PTPN12: variants seen among roughly 807,000 people sequenced by gnomAD.
PTPN12 encodes the protein protein tyrosine phosphatase non-receptor type 12.
A neutral mutation model predicts 97.6 loss-of-function variants in PTPN12; 29 were observed. That is an observed-to-expected ratio of 0.30 (90% CI 0.22 to 0.41). The LOEUF (loss-of-function observed/expected upper bound fraction) is 0.41, where lower values mean the gene tolerates loss of function less well. PTPN12 is among the 10% of genes least tolerant of loss of function. The probability of loss-of-function intolerance (pLI) is 1.00; values close to 1 mark genes in which losing one functional copy is unlikely to be tolerated. For missense variants in PTPN12, 819 were observed against 926.0 expected (o/e 0.88, Z 1.50); for synonymous variants, 327 against 300.4 (o/e 1.09, Z -0.91).
chr7:77,611,501 A>G (rs1318181813), intron 11 of PTPN12, among the ~76,000 whole-genome samples: 3 of 152,052 alleles, frequency 2.0e-5, no homozygotes, highest in Non-Finnish European at 4.4e-5. Flanking sequence ...CTGGAGTGCA[A>G]TGGCACAGTC....
intron 1 of PTPN12, among the ~76,000 whole-genome samples, chr7:77,566,831 C>G (rs1005794868): frequency 3.3e-5 from 5 of 151,978 alleles, no homozygotes; most frequent in African/African-American, 1.2e-4. Context: ...TGGTGGGTAC[C>G]TATAACTTAA....
chr7:77,593,225 C>T (rs1016444318), intron 6 of PTPN12, among the ~76,000 whole-genome samples: 1 of 150,630 alleles, frequency 6.6e-6, no homozygotes, highest in Non-Finnish European at 1.5e-5. Context: ...GCTGAAATTG[C>T]ACCACTGCAC....
At position 77,537,439 on chromosome 7, in the gene PTPN12, G is replaced by T. The variant is rs1563187716; in HGVS notation, c.-108G>T. ...GAGCCGCGGGGCTTGGCGGGGTCGG[G>T]AGGGAGGGACGTGCTGGGGGAACGA... On this transcript the variant is annotated 5_prime_UTR_variant, in exon 1 of 18. Coordinates refer to ENST00000248594, the MANE Select transcript of PTPN12 (RefSeq NM_002835.4). The T allele has an allele frequency of 5.0e-6, 7 of 1,393,134 alleles. No individual in the cohort carries two copies. Among genetic ancestry groups the T allele is most frequent in the Non-Finnish European group, 6.6e-6 (7 of 1,066,220 alleles). The allele number at this position is 1,393,134 out of a possible 1,614,324, so 86.3% of individuals were successfully genotyped here.
intron 15 of PTPN12, chr7:77,636,718 G>A (rs140801388): frequency 9.2e-4 from 201 of 218,700 alleles, no homozygotes; most frequent in African/African-American, 4.4e-3. Flanking sequence ...TAGTTTAATT[G>A]ACATATAAAA....
chr7:77,556,869 A>G (rs944074319), intron 1 of PTPN12, among the ~76,000 whole-genome samples: 2 of 151,746 alleles, frequency 1.3e-5, no homozygotes, highest in Admixed American at 6.6e-5. Context: ...GATTTTCTCT[A>G]ATACTTACTA....
chr7:77,608,790 A>G (rs1346908835), intron 9 of PTPN12, among the ~76,000 whole-genome samples: 5 of 152,220 alleles, frequency 3.3e-5, no homozygotes, highest in African/African-American at 1.2e-4. Context: ...TAATTCTCAA[A>G]TGAAAATGCT....
At chr7:77,588,648 T>C (rs1787769311) in intron 5 of PTPN12, among the ~76,000 whole-genome samples, 1 of 152,180 alleles carries the variant, frequency 6.6e-6, no homozygotes, top group African/African-American at 2.4e-5. Context: ...TTGTAAAATA[T>C]GCAGTGTCTG....
At chr7:77,539,597 T>TG (rs1806851100) in intron 1 of PTPN12, among the ~76,000 whole-genome samples, 1 of 152,070 alleles carries the variant, frequency 6.6e-6, no homozygotes, top group South Asian at 2.1e-4. Context: ...CTAGTTTTTT[T>TG]GGGTTTTGTT....
At chr7:77,635,316 C>G (rs1789549884) in intron 14 of PTPN12, among the ~76,000 whole-genome samples, 1 of 152,162 alleles carries the variant, frequency 6.6e-6, no homozygotes, top group Non-Finnish European at 1.5e-5. Context: ...ATAGTCCCAG[C>G]TACTCAAGAA....
chr7:77,635,320 T>C (rs1222500423), intron 14 of PTPN12, among the ~76,000 whole-genome samples: 1 of 152,106 alleles, frequency 6.6e-6, no homozygotes, highest in African/African-American at 2.4e-5. Context: ...TCCCAGCTAC[T>C]CAAGAAGCTG....
rs1295627345 is a variant in PTPN12, at chr7:77,546,081, G to A, written c.99+8436G>A. 3.3e-5 allele frequency among the ~76,000 whole-genome samples: 5 copies of A among 152,232 alleles called. No homozygotes were observed. The South Asian group carries it at 6.2e-4, about 19-fold the overall frequency. On this transcript the variant is annotated intron_variant, in intron 1 of 17. Coordinates refer to ENST00000248594, the MANE Select transcript of PTPN12 (RefSeq NM_002835.4). ...TGAGTAGCTGGGATTACGGGCGCCC[G>A]TGACCACACACAGCTACTTTTTTTA...
At chr7:77,596,498 C>T (rs1788027500) in intron 6 of PTPN12, among the ~76,000 whole-genome samples, 1 of 152,182 alleles carries the variant, frequency 6.6e-6, no homozygotes, top group Middle Eastern at 3.2e-3. Flanking sequence ...GCCTTGGCCT[C>T]ACTGCTGGGC....
chr7:77,626,506 A>G (rs1168753647), intron 12 of PTPN12, among the ~76,000 whole-genome samples, 199 bp from the exon 13 acceptor site: 2 of 152,206 alleles, frequency 1.3e-5, no homozygotes, highest in African/African-American at 4.8e-5. Flanking sequence ...TTTTTCATTC[A>G]AAGTCTTGTA....
At chr7:77,634,400 T>G (rs2151407763) in intron 14 of PTPN12, among the ~76,000 whole-genome samples, 1 of 152,292 alleles carries the variant, frequency 6.6e-6, no homozygotes, top group South Asian at 2.1e-4. Context: ...GACTGATTTT[T>G]GTTTTGTTTC....
At chr7:77,563,942 C>G (rs1026128881) in intron 1 of PTPN12, 4 of 441,456 alleles carry the variant, frequency 9.1e-6, no homozygotes, top group Non-Finnish European at 1.8e-5. Context: ...TGAGATGGAG[C>G]TCTGTCGCCC....
intron 6 of PTPN12, among the ~76,000 whole-genome samples, chr7:77,594,833 T>C (rs1787976236): frequency 6.6e-6 from 1 of 152,162 alleles, no homozygotes; most frequent in African/African-American, 2.4e-5. Context: ...AAGATAACTA[T>C]AGTGAATATT....
intron 1 of PTPN12, among the ~76,000 whole-genome samples, chr7:77,568,548 C>T (rs981210864): frequency 2.6e-5 from 4 of 152,108 alleles, no homozygotes; most frequent in African/African-American, 9.7e-5. Flanking sequence ...GAGGCTGAGG[C>T]AGGAGGATCA....
chr7:77,607,345 T>G, intron 9 of PTPN12, 44 bp downstream of exon 9: 2 of 1,350,428 alleles, frequency 1.5e-6, no homozygotes. Context: ...TGATCTATTA[T>G]GATTTTCAAA....
At chr7:77,592,294 T>C in intron 6 of PTPN12, 38 bp downstream of exon 6, 1 of 1,501,246 alleles carries the variant, frequency 6.7e-7, no homozygotes, top group Non-Finnish European at 9.2e-7. Flanking sequence ...TTTCAGAAAA[T>C]TGGCATGCTA....
Sources: allele counts gnomAD v4.1 joint callset (sites outside exome capture counted in the v4.1 genomes callset), GRCh38; gene constraint gnomAD v4.1.1; transcripts MANE v1.5; gene names NCBI Gene and HGNC (gene_info 2026-07-23, HGNC 2026-07-21).